MYO16: variants seen among roughly 807,000 people sequenced by gnomAD.
MYO16 encodes the protein myosin XVI, also known as unconventional myosin-XVI.
Under a neutral mutation model 205.3 loss-of-function variants are expected in MYO16, and 94 were observed. The observed-to-expected ratio is 0.46, with a 90% CI of 0.39 to 0.54. The LOEUF is 0.54. Ranked by LOEUF, MYO16 falls within the 20% of genes least tolerant of loss-of-function variation. MYO16 has a pLI of 0.00. For synonymous variants in MYO16, 988 were observed against 954.0 expected (o/e 1.04, Z -0.66); for missense variants, 2,315 against 2,387.5 (o/e 0.97, Z 0.63).
chr13:108,523,637 A>G, the MYO16 span, among the ~76,000 whole-genome samples: 1 of 152,146 alleles, frequency 6.6e-6, no homozygotes, highest in Non-Finnish European at 1.5e-5. Context: ...TCATGTCAGC[A>G]TTCAGTAAAG....
chr13:109,083,246 G>T (rs1404160912), intron 27 of MYO16, among the ~76,000 whole-genome samples: 1 of 151,840 alleles, frequency 6.6e-6, no homozygotes, highest in Non-Finnish European at 1.5e-5. Flanking sequence ...AGCTGGACGT[G>T]GTGGTGGGCG....
the MYO16 span, among the ~76,000 whole-genome samples, chr13:108,551,673 A>G: frequency 6.6e-6 from 1 of 152,118 alleles, no homozygotes; most frequent in African/African-American, 2.4e-5. Context: ...TGCGTTGCCC[A>G]GGGGATAAAT....
chr13:109,103,988 A>G (rs1889048672), intron 28 of MYO16, among the ~76,000 whole-genome samples: 1 of 152,174 alleles, frequency 6.6e-6, no homozygotes, highest in Non-Finnish European at 1.5e-5. Context: ...CTCTATGCAG[A>G]AAAGGAAAGT....
At chr13:108,942,484 G>A (rs1882772217) in intron 16 of MYO16, among the ~76,000 whole-genome samples, 1 of 152,248 alleles carries the variant, frequency 6.6e-6, no homozygotes, top group South Asian at 2.1e-4. Context: ...TTTAGAACAG[G>A]CAGCAGCTTT....
chr13:108,807,776 G>A (rs1887159373), intron 7 of MYO16, among the ~76,000 whole-genome samples: 1 of 152,168 alleles, frequency 6.6e-6, no homozygotes, highest in Non-Finnish European at 1.5e-5. Flanking sequence ...GGGAGGAGCA[G>A]AAAGAAAAGT....
chr13:109,023,233 C>T (rs1305074652), intron 23 of MYO16, among the ~76,000 whole-genome samples: 2 of 103,660 alleles, frequency 1.9e-5, no homozygotes, highest in Non-Finnish European at 3.6e-5. Context: ...ATATATTATA[C>T]AGATATAAAT....
At chr13:108,518,940 A>C in the MYO16 span, among the ~76,000 whole-genome samples, 1 of 152,200 alleles carries the variant, frequency 6.6e-6, no homozygotes, top group Non-Finnish European at 1.5e-5. Flanking sequence ...GGAATTATAC[A>C]TCTCTATCAT....
At chr13:109,091,523 C>T (rs551063899) in intron 27 of MYO16, among the ~76,000 whole-genome samples, 6 of 152,284 alleles carry the variant, frequency 3.9e-5, no homozygotes, top group Non-Finnish European at 7.4e-5. Flanking sequence ...CCGTGTCTGA[C>T]GTTGCCATTG....
intron 1 of MYO16, among the ~76,000 whole-genome samples, chr13:108,599,865 C>A (rs1878701075): frequency 6.6e-6 from 1 of 152,118 alleles, no homozygotes; most frequent in Non-Finnish European, 1.5e-5. Context: ...CTTGTACAGG[C>A]ATGGAAAGAA....
intron 3 of MYO16, among the ~76,000 whole-genome samples, chr13:108,720,824 T>C (rs564275473): frequency 9.2e-5 from 14 of 152,332 alleles, no homozygotes; most frequent in African/African-American, 2.4e-4. Context: ...ATAACTCTTA[T>C]GTATGAACCA....
chr13:109,040,339 C>A (rs754235727), intron 23 of MYO16, among the ~76,000 whole-genome samples: 2 of 144,238 alleles, frequency 1.4e-5, no homozygotes, highest in Non-Finnish European at 3.0e-5. Context: ...ATCCTAACAC[C>A]AAAACCACAC....
At chr13:108,633,957 T>C (rs1880104538) in intron 1 of MYO16, among the ~76,000 whole-genome samples, 1 of 152,106 alleles carries the variant, frequency 6.6e-6, no homozygotes, top group African/African-American at 2.4e-5. Flanking sequence ...TGAAGCCACT[T>C]CACTCCTTGC....
At chr13:108,688,992 T>A (rs1052013869) in intron 2 of MYO16, among the ~76,000 whole-genome samples, 2 of 152,206 alleles carry the variant, frequency 1.3e-5, no homozygotes, top group African/African-American at 4.8e-5. Context: ...GGTAGCTTTC[T>A]TATGAATAAA....
chr13:108,903,393 G>C (rs1020434614), intron 15 of MYO16, among the ~76,000 whole-genome samples: 1 of 152,104 alleles, frequency 6.6e-6, no homozygotes, highest in African/African-American at 2.4e-5. Context: ...TCAGTTTTCA[G>C]GGGTCCACTG....
the MYO16 span, among the ~76,000 whole-genome samples, chr13:108,576,999 G>A: frequency 0.033 from 5,005 of 152,130 alleles, 254 homozygotes; most frequent in African/African-American, 0.11. Flanking sequence ...GACCTCAAGC[G>A]CTCCTCCTGC....
upstream of MYO16, among the ~76,000 whole-genome samples, chr13:108,593,958 A>G (rs1383909428): frequency 6.6e-6 from 1 of 152,208 alleles, no homozygotes; most frequent in Non-Finnish European, 1.5e-5. Flanking sequence ...CTGAACATAA[A>G]CAATTTTTCC....
Position 108,998,867 on chromosome 13 carries a change from C to T in MYO16, c.2442+6419C>T, listed in dbSNP as rs1329267575. 5.3e-5 allele frequency among the ~76,000 whole-genome samples: 8 copies of T among 152,146 alleles called. 1 individual carries two copies. The highest frequency in any genetic ancestry group is 2.6e-4 in the Admixed American group (4 of 15,270). On this transcript the variant is annotated intron_variant, in intron 21 of 34. Coordinates refer to ENST00000457511, the MANE Select transcript of MYO16 (RefSeq NM_001198950.3). ...ATGTACATGCTAGTTGGGGCTTTCTCGCAGTTTGTTGGATGATTTTTCTAG... is the reference window on the plus strand; with the variant it reads ...ATGTACATGCTAGTTGGGGCTTTCTTGCAGTTTGTTGGATGATTTTTCTAG...
At chr13:108,722,638 A>T (rs1566571536) in intron 3 of MYO16, among the ~76,000 whole-genome samples, 1 of 152,206 alleles carries the variant, frequency 6.6e-6, no homozygotes. Flanking sequence ...CAGAAGGAGG[A>T]GGTCACATCT....
At chr13:109,202,969 G>T (rs1880454269) in intron 34 of MYO16, among the ~76,000 whole-genome samples, 1 of 152,132 alleles carries the variant, frequency 6.6e-6, no homozygotes, top group African/African-American at 2.4e-5. Flanking sequence ...TTCAACAAAT[G>T]GTGCTTGGAT....
Sources: gnomAD v4.1 joint callset for allele counts (sites outside exome capture counted in the v4.1 genomes callset) on GRCh38, gnomAD v4.1.1 for gene constraint, MANE v1.5 for transcripts, NCBI Gene and HGNC (gene_info 2026-07-23, HGNC 2026-07-21) for gene names.